CAV3: variants seen among roughly 807,000 people sequenced by gnomAD.
CAV3 encodes caveolin-3.
In CAV3, 10 loss-of-function variants were observed where a neutral mutation model predicts 13.4. That is an observed-to-expected ratio of 0.75 (90% CI 0.46 to 1.27). The LOEUF is 1.27. Among genes scored for constraint, CAV3 ranks in the 50% most tolerant of loss-of-function variants. The pLI, the probability that CAV3 is intolerant of heterozygous loss-of-function variation, is 0.00. For synonymous variants in CAV3, 90 were observed against 79.0 expected (o/e 1.14, Z -0.74); for missense variants, 162 against 194.0 (o/e 0.83, Z 0.98).
At chr3:8,742,454 C>G in intron 1 of CAV3, 1 of 456,174 alleles carries the variant, frequency 2.2e-6, no homozygotes, top group Non-Finnish European at 4.4e-6. Flanking sequence ...AAGTACTGTA[C>G]TTACTACTGT....
intron 1 of CAV3, among the ~76,000 whole-genome samples, chr3:8,734,978 G>T (rs947392962): frequency 1.3e-5 from 2 of 152,174 alleles, no homozygotes. Context: ...CTCCCAAAGT[G>T]CTGGGATTAC....
chr3:8,735,278 A>C (rs1395773539), intron 1 of CAV3, among the ~76,000 whole-genome samples: 1 of 152,236 alleles, frequency 6.6e-6, no homozygotes, highest in Non-Finnish European at 1.5e-5. Flanking sequence ...TATATCTAAA[A>C]TAGTATTATT....
intron 1 of CAV3, chr3:8,742,372 A>AAAAAG (rs1553614070): frequency 3.0e-4 from 103 of 345,870 alleles, no homozygotes; most frequent in African/African-American, 1.8e-3. Flanking sequence ...AAAAAAAAAA[A>AAAAAG]AAGAAGAAGA....
At chr3:8,740,053 G>A (rs916363011) in intron 1 of CAV3, among the ~76,000 whole-genome samples, 1 of 152,148 alleles carries the variant, frequency 6.6e-6, no homozygotes, top group Admixed American at 6.5e-5. Context: ...GTAGTTTCAG[G>A]CCTCCTTATT....
At chr3:8,735,379 A>G (rs1448978252) in intron 1 of CAV3, among the ~76,000 whole-genome samples, 1 of 152,192 alleles carries the variant, frequency 6.6e-6, no homozygotes, top group Non-Finnish European at 1.5e-5. Flanking sequence ...CCCACAGTAT[A>G]TTTCAGTTCA....
chr3:8,735,997 T>C (rs984327969), intron 1 of CAV3, among the ~76,000 whole-genome samples: 2 of 152,236 alleles, frequency 1.3e-5, no homozygotes, highest in African/African-American at 2.4e-5. Flanking sequence ...AGATAGAGTA[T>C]ACAGTATAGC....
At chr3:8,740,874 G>A (rs978804347) in intron 1 of CAV3, among the ~76,000 whole-genome samples, 16 of 152,268 alleles carry the variant, frequency 1.1e-4, no homozygotes, top group Middle Eastern at 3.4e-3. Flanking sequence ...GCCCTGCTGG[G>A]GTATCTGGCC....
At chr3:8,736,344 A>G (rs1707754132) in intron 1 of CAV3, among the ~76,000 whole-genome samples, 1 of 152,222 alleles carries the variant, frequency 6.6e-6, no homozygotes, top group South Asian at 2.1e-4. Flanking sequence ...TGAGGATTGA[A>G]TGAGATGAAG....
intron 1 of CAV3, among the ~76,000 whole-genome samples, chr3:8,740,910 G>A (rs981870633): frequency 1.3e-5 from 2 of 152,216 alleles, no homozygotes; most frequent in Non-Finnish European, 2.9e-5. Flanking sequence ...CTGTCAGGCT[G>A]ACCTGAGCGT....
At chr3:8,741,533 T>C (rs956276357) in intron 1 of CAV3, among the ~76,000 whole-genome samples, 2 of 152,078 alleles carry the variant, frequency 1.3e-5, no homozygotes, top group Non-Finnish European at 2.9e-5. Flanking sequence ...CGTCTCTGTG[T>C]AGAGTTGAAA....
chr3:8,739,502 C>T (rs1707878237), intron 1 of CAV3, among the ~76,000 whole-genome samples: 1 of 151,440 alleles, frequency 6.6e-6, no homozygotes, highest in African/African-American at 2.4e-5. Context: ...TGCCTGTAAT[C>T]CCAGCTACTC....
At chr3:8,737,459 G>A (rs1707797101) in intron 1 of CAV3, among the ~76,000 whole-genome samples, 1 of 152,150 alleles carries the variant, frequency 6.6e-6, no homozygotes, top group African/African-American at 2.4e-5. Flanking sequence ...TTGACCCCCA[G>A]TAGAGGGGAG....
intron 1 of CAV3, chr3:8,742,659 T>C (rs192564992): frequency 2.6e-6 from 1 of 387,204 alleles, no homozygotes; most frequent in East Asian, 7.4e-5. Flanking sequence ...CCAGGCATTG[T>C]GCTAAGCACT....
At chr3:8,740,452 G>A (rs1707918267) in intron 1 of CAV3, among the ~76,000 whole-genome samples, 1 of 152,180 alleles carries the variant, frequency 6.6e-6, no homozygotes, top group African/African-American at 2.4e-5. Context: ...CAAATTTCTT[G>A]AAGGCAGAGA....
chr3:8,740,311 C>T (rs1401410207), intron 1 of CAV3, among the ~76,000 whole-genome samples: 1 of 152,098 alleles, frequency 6.6e-6, no homozygotes, highest in African/African-American at 2.4e-5. Flanking sequence ...TACCTGAGGA[C>T]AAACACCGAG....
At chr3:8,737,126 G>C (rs1218904339) in intron 1 of CAV3, among the ~76,000 whole-genome samples, 1 of 152,208 alleles carries the variant, frequency 6.6e-6, no homozygotes, top group Non-Finnish European at 1.5e-5. Flanking sequence ...GGGAGACAGA[G>C]AGAGATGGAG....
At chr3:8,736,680 C>G (rs1466775571) in intron 1 of CAV3, among the ~76,000 whole-genome samples, 1 of 152,218 alleles carries the variant, frequency 6.6e-6, no homozygotes, top group Non-Finnish European at 1.5e-5. Context: ...GGCGGCGGCA[C>G]AGGTGCAGCG....
rs112640034 is a variant in CAV3 at position 8,736,331 on chromosome 3, G to A, written c.114+2341G>A. Among the ~76,000 whole-genome samples, 65 of 152,314 alleles carry A rather than the reference G, an allele frequency of 4.3e-4. 1 individual carries two copies. The highest frequency in any genetic ancestry group is 1.5e-3 in the African/African-American group (63 of 41,568). Reference sequence around the variant, plus strand: ...AGCAGCACTGTGCGTTAGAAATATAGCATGAGGATTGAATGAGATGAAGGG... The same window carrying A: ...AGCAGCACTGTGCGTTAGAAATATAACATGAGGATTGAATGAGATGAAGGG... On this transcript the variant is annotated intron_variant, in intron 1 of 1. Coordinates refer to ENST00000343849, the MANE Select transcript of CAV3 (RefSeq NM_033337.3).
intron 1 of CAV3, among the ~76,000 whole-genome samples, chr3:8,741,201 C>T (rs237877): frequency 0.32 from 48,710 of 152,122 alleles, 7,904 homozygotes; most frequent in African/African-American, 0.41. Flanking sequence ...TTCTAATCCA[C>T]TGCACAGCTA....
Sources: gnomAD v4.1 joint callset for allele counts (sites outside exome capture counted in the v4.1 genomes callset) on GRCh38, gnomAD v4.1.1 for gene constraint, MANE v1.5 for transcripts, NCBI Gene and HGNC (gene_info 2026-07-23, HGNC 2026-07-21) for gene names.